Variants in DUOXA1 observed in about 807,000 individuals in gnomAD.
The protein encoded by DUOXA1 is dual oxidase maturation factor 1.
A neutral mutation model predicts 26.6 loss-of-function variants in DUOXA1; 19 were observed. That is an observed-to-expected ratio of 0.71 (90% CI 0.50 to 1.05). The LOEUF (loss-of-function observed/expected upper bound fraction) is 1.05. Ranked by LOEUF, DUOXA1 falls within the 50% of genes least tolerant of loss-of-function variation. The pLI is 0.00. For missense variants in DUOXA1, 403 were observed against 427.5 expected (o/e 0.94, Z 0.51); for synonymous variants, 166 against 177.0 (o/e 0.94, Z 0.49).
chr15:45,121,678 C>G (rs1895222900), intron 5 of DUOXA1, among the ~76,000 whole-genome samples: 1 of 152,210 alleles, frequency 6.6e-6, no homozygotes, highest in Non-Finnish European at 1.5e-5. Flanking sequence ...TCATGCCCAG[C>G]TAATTTTTTG....
rs757481210 is a variant in DUOXA1, at chr15:45,119,216, G to C, written c.922C>G (p.Arg308Gly). 6.2e-7 allele frequency: 1 copy of C among 1,614,110 alleles called. No individual in the cohort carries two copies. The highest frequency in any genetic ancestry group is 8.5e-7 in the Non-Finnish European group (1 of 1,179,994). The change falls in exon 9 of 9, where the codon CGG becomes GGG. Residue 308 changes from arginine (R) to glycine (G), a missense_variant. Transcript: ENST00000560572. ...GACTTGGGACTGTCAGCCATGGACC[G>C]GTAGCGGGGGCTCAGGAGTCCACCT... is the stretch of plus-strand genomic sequence containing the variant. ...EEGGLLSPRY[R>G]SMADSPKSQD...
At chr15:45,121,596 C>T (rs1050165725) in intron 5 of DUOXA1, among the ~76,000 whole-genome samples, 1 of 152,228 alleles carries the variant, frequency 6.6e-6, no homozygotes, top group African/African-American at 2.4e-5. Flanking sequence ...TTCACTGCAA[C>T]CTCCGCCTCC....
At chr15:45,128,520 A>T (rs1365242) in intron 3 of DUOXA1, among the ~76,000 whole-genome samples, 2 of 152,036 alleles carry the variant, frequency 1.3e-5, no homozygotes, top group African/African-American at 4.8e-5. Flanking sequence ...AGCTAAGGGG[A>T]CCCTGTCAGG....
At chr15:45,123,924 A>G (rs1344534267) in intron 3 of DUOXA1, among the ~76,000 whole-genome samples, 5 of 152,246 alleles carry the variant, frequency 3.3e-5, no homozygotes, top group Non-Finnish European at 7.3e-5. Context: ...TCTCAGACAG[A>G]ATGGATTGCA....
rs1566991248 is a variant in DUOXA1 at position 45,120,821 on chromosome 15, GC to G, written c.341-17del. On this transcript the variant is annotated splice_polypyrimidine_tract_variant and intron_variant, in intron 6 of 8. Transcript: ENST00000560572. Reference sequence around the variant, plus strand: ...ACGGGGGTCCCTAGGGCACAAGGCAGCTCTGCTCAGCAGGAACCCAAGGGCC... The same window carrying G: ...ACGGGGGTCCCTAGGGCACAAGGCAGTCTGCTCAGCAGGAACCCAAGGGCC... 3 of 1,613,600 alleles carry G rather than the reference GC, an allele frequency of 1.9e-6. No homozygotes were observed. The South Asian group carries it at 3.3e-5, about 18-fold the overall frequency.
chr15:45,127,506 A>G (rs1168488103), intron 3 of DUOXA1, among the ~76,000 whole-genome samples: 1 of 152,212 alleles, frequency 6.6e-6, no homozygotes, highest in Non-Finnish European at 1.5e-5. Flanking sequence ...TGCCTTTCTT[A>G]ATTTCTTCTT....
At position 45,118,452 on chromosome 15, in the gene DUOXA1, T is replaced by C. The variant is rs900308263; in HGVS notation, c.*654A>G. 54 of 1,015,184 alleles carry C rather than the reference T, an allele frequency of 5.3e-5. No individual in the cohort carries two copies. The highest frequency in any genetic ancestry group is 8.9e-5 in the South Asian group (2 of 22,384). 62.9% of individuals were successfully genotyped at this position (1,015,184 alleles called of 1,614,324 possible). A position where few individuals can be genotyped will look rare whatever the true frequency, so the allele number is the denominator to read the frequency against. ...TCCCACCTGGCTTCTTGTGAGGTGG[T>C]GTTTGAGGGCCAAGGTAGGTGTCAG... is the stretch of plus-strand genomic sequence containing the variant. On this transcript the variant is annotated 3_prime_UTR_variant, in exon 9 of 9. Coordinates refer to ENST00000560572, the MANE Select transcript of DUOXA1 (RefSeq NM_001276266.2).
In DUOXA1 at chr15:45,118,386, G is replaced by C. The variant is rs1387257948; in HGVS notation, c.*720C>G. On this transcript the variant is annotated 3_prime_UTR_variant, in exon 9 of 9. Coordinates refer to ENST00000560572, the MANE Select transcript of DUOXA1 (RefSeq NM_001276266.2). ...TGCCACTCAGCTAGCCCAGCTGAGT[G>C]GGGTGGGAAGGAATAGCGTTTTGGA... is the stretch of plus-strand genomic sequence containing the variant. 7.4e-6 allele frequency: 8 copies of C among 1,084,844 alleles called. No homozygotes were observed. In the East Asian group the frequency reaches 4.9e-4, roughly 67 times the overall value. 67.2% of individuals were successfully genotyped at this position (1,084,844 alleles called of 1,614,324 possible).
chr15:45,128,942 C>T (rs1298615184), intron 3 of DUOXA1, 76 bp downstream of exon 3: 1 of 152,206 alleles, frequency 6.6e-6, no homozygotes. Context: ...TCAAGACCCC[C>T]TCCAAAATCA....
intron 6 of DUOXA1, 131 bp downstream of exon 6, chr15:45,120,956 C>A: frequency 6.5e-7 from 1 of 1,526,818 alleles, no homozygotes; most frequent in Non-Finnish European, 8.9e-7. Context: ...CCTACCATGC[C>A]TCTGACCTCC....
chr15:45,120,989 C>T, intron 6 of DUOXA1, 98 bp downstream of exon 6: 1 of 1,572,348 alleles, frequency 6.4e-7, no homozygotes, highest in Non-Finnish European at 8.6e-7. Context: ...CCTCCCAGCC[C>T]CTGTGCCAGG....
Position 45,118,496 on chromosome 15 carries a change from A to G in DUOXA1, c.*610T>C. 7.0e-6 allele frequency: 7 copies of G among 998,010 alleles called. No homozygotes were observed. Among genetic ancestry groups the G allele is most frequent in the Non-Finnish European group, 8.3e-6 (7 of 838,560 alleles). 61.8% of individuals were successfully genotyped at this position (998,010 alleles called of 1,614,324 possible). A position where few individuals can be genotyped will look rare whatever the true frequency, so the allele number is the denominator to read the frequency against. On this transcript the variant is annotated 3_prime_UTR_variant, in exon 9 of 9. Transcript: ENST00000560572. ...GTGTCAGCAAGGCATAGAAAGATAA[A>G]TCCCAAGATTCTTGGCAAGTCTTGC...
chr15:45,120,144 T>C lies in DUOXA1; in HGVS notation c.731A>G (p.His244Arg). 6.2e-7 allele frequency: 1 copy of C among 1,613,902 alleles called. No individual in the cohort carries two copies. Among genetic ancestry groups the C allele is most frequent in the East Asian group, 2.2e-5 (1 of 44,852 alleles). ...CCAGAAGGCAGGCCCATGGTGAGTA[T>C]GCAGCACAGAAGCGCCCAGGTGCAG... ...CPLHLGASVL[H>R]THHGPAFWIT... The change falls in exon 8 of 9, where the codon CAT (histidine) becomes CGT (arginine). Residue 244 changes from histidine to arginine, a missense_variant. Physicochemically the swap from His to Arg is conservative, Grantham distance 29. Transcript: ENST00000560572.
chr15:45,123,031 A>T lies in DUOXA1; in HGVS notation c.-17T>A, dbSNP rs773633940. ...AGTAGCCATCTTGGTGAGGTGGTGC[A>T]GGGGGGGCAATGCTGTACAACAACA... On this transcript the variant is annotated 5_prime_UTR_variant, in exon 4 of 9. Transcript: ENST00000560572. 1 of 1,602,550 alleles carries T rather than the reference A, an allele frequency of 6.2e-7. No individual in the cohort carries two copies. Among genetic ancestry groups the T allele is most frequent in the African/African-American group, 1.3e-5 (1 of 74,686 alleles).
At position 45,118,932 on chromosome 15, in the gene DUOXA1, T is replaced by C; in HGVS notation, c.*174A>G. On this transcript the variant is annotated 3_prime_UTR_variant, in exon 9 of 9. Transcript: ENST00000560572. The stretch of plus-strand genomic sequence containing the variant: ...CTCTTCAGTCCCTTAGGGCTTTTTG[T>C]TTTGTTTTGTTTTTTAACATCAGTA... The C allele has an allele frequency of 7.5e-7, 1 of 1,340,208 alleles. No homozygotes were observed. Among genetic ancestry groups the C allele is most frequent in the Non-Finnish European group, 9.5e-7 (1 of 1,047,826 alleles). The allele number at this position is 1,340,208 out of a possible 1,614,324, so 83.0% of individuals were successfully genotyped here. A position where few individuals can be genotyped will look rare whatever the true frequency, so the allele number is the denominator to read the frequency against.
At position 45,122,856 on chromosome 15, in the gene DUOXA1, T is replaced by A. The variant is rs1895361039; in HGVS notation, c.147+12A>T. 6.2e-7 allele frequency: 1 copy of A among 1,603,538 alleles called. No individual in the cohort carries two copies. Among genetic ancestry groups the A allele is most frequent in the Admixed American group, 1.7e-5 (1 of 59,410 alleles). ...CTCTCTGGGCTGGGGTCTCCAGGAC[T>A]GGGTTTCTCACCGTCTTTCCCCGAA... On this transcript the variant is annotated intron_variant, in intron 4 of 8. Transcript: ENST00000560572.
Position 45,119,024 on chromosome 15 carries a change from G to A in DUOXA1, c.*82C>T, listed in dbSNP as rs1004692281. 6.6e-7 allele frequency: 1 copy of A among 1,506,260 alleles called. No individual in the cohort carries two copies. Among genetic ancestry groups the A allele is most frequent in the Non-Finnish European group, 8.9e-7 (1 of 1,126,778 alleles). The allele number at this position is 1,506,260 out of a possible 1,614,324, so 93.3% of individuals were successfully genotyped here. A position where few individuals can be genotyped will look rare whatever the true frequency, so the allele number is the denominator to read the frequency against. ...GGGTGTCTGGTAACAGCCACCCTGA[G>A]GGCAGTTCTGCTGGTTTTATGGGGC... On this transcript the variant is annotated 3_prime_UTR_variant, in exon 9 of 9. Coordinates refer to ENST00000560572, the MANE Select transcript of DUOXA1 (RefSeq NM_001276266.2).
Position 45,120,238 on chromosome 15 carries a change from T to TGGCCAATA in DUOXA1, c.629_636dup (p.Thr213TyrfsTer46). 1 of 1,614,102 alleles carries TGGCCAATA rather than the reference T, an allele frequency of 6.2e-7. No individual in the cohort carries two copies. On this transcript the variant is annotated frameshift_variant, in exon 8 of 9. Coordinates refer to ENST00000560572, the MANE Select transcript of DUOXA1 (RefSeq NM_001276266.2). LOFTEE classifies it high-confidence loss of function. ...AGAGCCAACAGCTGGAAGATGCCCG[T>TGGCCAATA]GGCCAATAGCATGTAGCCACCATAT...
At position 45,121,191 on chromosome 15, in the gene DUOXA1, C is replaced by T. The variant is rs1288483945; in HGVS notation, c.236G>A (p.Gly79Asp). The T allele has an allele frequency of 6.2e-7, 1 of 1,614,032 alleles. No homozygotes were observed. The highest frequency in any genetic ancestry group is 8.5e-7 in the Non-Finnish European group (1 of 1,180,030). ...GTATGATGTGTTGGTGCTGACCTGG[C>T]CCACAGACCACTCAGAACTGAAATT... ...AVNFSSEWSV[G>D]QVSTNTSYKA... The change falls in exon 6 of 9, where the codon GGC becomes GAC. Residue 79 changes from glycine (G) to aspartate (D), a missense_variant. By Grantham distance (94) the Gly-to-Asp change is moderately conservative. Transcript: ENST00000560572.
Sources: gnomAD v4.1 joint callset for allele counts (sites outside exome capture counted in the v4.1 genomes callset) on GRCh38, gnomAD v4.1.1 for gene constraint, MANE v1.5 for transcripts, NCBI Gene and HGNC (gene_info 2026-07-23, HGNC 2026-07-21) for gene names.